CA1: variants seen among roughly 807,000 people sequenced by gnomAD.
The protein encoded by CA1 is carbonic anhydrase 1, also known as carbonate dehydratase I.
Under a neutral mutation model 28.8 loss-of-function variants are expected in CA1, and 27 were observed. That is an observed-to-expected ratio of 0.94 (90% confidence interval 0.69 to 1.29). The LOEUF (loss-of-function observed/expected upper bound fraction) is 1.29, where lower values mean the gene tolerates loss of function less well. Ranked by LOEUF, CA1 falls within the 50% of genes most tolerant of loss-of-function variation. CA1 has a pLI of 0.00. For synonymous variants in CA1, 121 were observed against 108.8 expected, an observed-to-expected ratio of 1.11 and a Z score of -0.70; for missense variants, 335 against 310.5, an observed-to-expected ratio of 1.08 and a Z score of -0.59.
chr8:85,329,627 A>G (rs1376478960), intron 7 of CA1, 62 bp downstream of exon 7: 2 of 1,315,310 alleles, frequency 1.5e-6, no homozygotes, highest in Middle Eastern at 1.8e-4. Context: ...TCTCACTGAT[A>G]CTATCAATTA....
rs777685360 is a variant in CA1, at chr8:85,328,621, A to G, written c.725T>C (p.Met242Thr). 3 of 1,611,906 alleles carry G rather than the reference A, an allele frequency of 1.9e-6. No homozygotes were observed. The highest frequency in any genetic ancestry group is 2.2e-5 in the South Asian group (2 of 90,912). The change falls in exon 8 of 8, where the codon ATG becomes ACG. Residue 242 changes from methionine to threonine, a missense_variant. Met to Thr is a moderately conservative substitution (Grantham distance 81). Transcript: ENST00000523022. ...TTGGGTTGGGCGGTTGTTGTGCTGC[A>G]TGGGGACAGCGTTATCACCTTCAAC... is the stretch of plus-strand genomic sequence containing the variant. Reference protein sequence around the residue: ...SNVEGDNAVPMQHNNRPTQPL... With the variant: ...SNVEGDNAVPTQHNNRPTQPL...
intron 1 of CA1, among the ~76,000 whole-genome samples, chr8:85,349,146 G>T (rs1172878134): frequency 1.3e-5 from 2 of 152,188 alleles, no homozygotes; most frequent in African/African-American, 4.8e-5. Flanking sequence ...TGCTTTTAAA[G>T]AAAGAAATAG....
intron 1 of CA1, among the ~76,000 whole-genome samples, chr8:85,359,185 T>TA (rs1809705978): frequency 6.6e-6 from 1 of 152,196 alleles, no homozygotes; most frequent in South Asian, 2.1e-4. Flanking sequence ...CACTGTACCC[T>TA]ACTCAGCAAA....
At position 85,330,845 on chromosome 8, in the gene CA1, A is replaced by G. The variant is rs574541912; in HGVS notation, c.514-1001T>C. Among the ~76,000 whole-genome samples, 3 of 152,244 alleles carry G rather than the reference A, an allele frequency of 2.0e-5. No individual in the cohort carries two copies. The South Asian group carries it at 6.2e-4, about 32-fold the overall frequency. ...AACTACTCTTTTAAAACACTGTTGA[A>G]TTTGATTTGTTATAATAAATTTTAG... On this transcript the variant is annotated intron_variant, in intron 6 of 7. Transcript: ENST00000523022.
chr8:85,372,951 A>G (rs1810283775), intron 1 of CA1, among the ~76,000 whole-genome samples: 1 of 152,236 alleles, frequency 6.6e-6, no homozygotes, highest in Non-Finnish European at 1.5e-5. Context: ...CCCAAAGCCC[A>G]AGACTTGTGA....
intron 1 of CA1, among the ~76,000 whole-genome samples, chr8:85,345,292 T>G (rs757151437): frequency 6.6e-6 from 1 of 152,196 alleles, no homozygotes; most frequent in Non-Finnish European, 1.5e-5. Context: ...CCCAGACCTT[T>G]GTATAGCCTC....
At position 85,328,611 on chromosome 8, in the gene CA1, G is replaced by T; in HGVS notation, c.735C>A (p.Asn245Lys). 6.2e-7 allele frequency: 1 copy of T among 1,612,254 alleles called. No individual in the cohort carries two copies. Among genetic ancestry groups the T allele is most frequent in the East Asian group, 2.2e-5 (1 of 44,824 alleles). Residue 245 changes from asparagine (N) to lysine (K), a missense_variant, in exon 8 of 8, where the codon AAC (asparagine) becomes AAA (lysine). By Grantham distance (94) the Asn-to-Lys change is moderately conservative (BLOSUM62 0). Transcript: ENST00000523022. The part of the protein sequence containing the change: ...EGDNAVPMQH[N>K]NRPTQPLKGR... ...CCTTCAGAGGTTGGGTTGGGCGGTT[G>T]TTGTGCTGCATGGGGACAGCGTTAT...
Position 85,338,459 on chromosome 8 carries a change from C to G in CA1, c.38-10G>C, listed in dbSNP as rs765420617. On this transcript the variant is annotated splice_polypyrimidine_tract_variant and intron_variant, in intron 2 of 7. Transcript: ENST00000523022. ...CTCCATTGTTCAGGACCTACCAGGA[C>G]AAACACGTGTAAAATCAATGTCTTA... 4 of 1,610,892 alleles carry G rather than the reference C, an allele frequency of 2.5e-6. No homozygotes were observed. The highest frequency in any genetic ancestry group is 3.4e-6 in the Non-Finnish European group (4 of 1,177,218).
chr8:85,359,404 C>G (rs1809713002), intron 1 of CA1, among the ~76,000 whole-genome samples: 1 of 152,154 alleles, frequency 6.6e-6, no homozygotes, highest in Admixed American at 6.5e-5. Flanking sequence ...CAGGCCAGAT[C>G]TATGAGTCAG....
intron 4 of CA1, among the ~76,000 whole-genome samples, chr8:85,334,037 C>A (rs985168128): frequency 1.3e-5 from 2 of 152,178 alleles, no homozygotes; most frequent in Non-Finnish European, 1.5e-5. Context: ...AGAACAGATT[C>A]TTTCAGGCAC....
chr8:85,366,104 A>C (rs558549310), intron 1 of CA1, among the ~76,000 whole-genome samples: 1 of 151,916 alleles, frequency 6.6e-6, no homozygotes, highest in East Asian at 1.9e-4. Flanking sequence ...AACTTTGAGC[A>C]GAACTATTGT....
chr8:85,350,572 C>T (rs1375214122), intron 1 of CA1, among the ~76,000 whole-genome samples: 1 of 152,158 alleles, frequency 6.6e-6, no homozygotes, highest in Non-Finnish European at 1.5e-5. Flanking sequence ...TCCACATAGC[C>T]TTTGTGCAAC....
At chr8:85,375,711 G>A (rs1326796413) in intron 1 of CA1, among the ~76,000 whole-genome samples, 1 of 152,140 alleles carries the variant, frequency 6.6e-6, no homozygotes, top group African/African-American at 2.4e-5. Flanking sequence ...AAAATAACTC[G>A]AGGTGCAGTG....
At chr8:85,333,109 C>T (rs1427047256) in intron 5 of CA1, among the ~76,000 whole-genome samples, 2 of 152,046 alleles carry the variant, frequency 1.3e-5, no homozygotes, top group Admixed American at 6.6e-5. Context: ...CTATTTCTTT[C>T]CTAATGAGAT....
intron 1 of CA1, among the ~76,000 whole-genome samples, chr8:85,367,054 A>C (rs910217881): frequency 7.2e-5 from 11 of 152,016 alleles, no homozygotes; most frequent in Admixed American, 1.3e-4. Context: ...AGTTTATAAG[A>C]TTTTGAGATA....
Position 85,337,099 on chromosome 8 carries a change from T to G in CA1, c.236-36A>C, listed in dbSNP as rs759607842. On this transcript the variant is annotated intron_variant, in intron 3 of 7. Transcript: ENST00000523022. Reference sequence around the variant, plus strand: ...AGGGAACCGATTGTTAGCCTGATGCTCCACAAACTCTAGCTTATCTTTGCA... The same window carrying G: ...AGGGAACCGATTGTTAGCCTGATGCGCCACAAACTCTAGCTTATCTTTGCA... 5.4e-6 allele frequency: 6 copies of G among 1,103,828 alleles called. No homozygotes were observed. In the Admixed American group the frequency reaches 1.0e-4, roughly 19 times the overall value. The allele number at this position is 1,103,828 out of a possible 1,614,324, so 68.4% of individuals were successfully genotyped here. A position where few individuals can be genotyped will look rare whatever the true frequency, so the allele number is the denominator to read the frequency against.
At chr8:85,354,290 T>C (rs898833445) in intron 1 of CA1, among the ~76,000 whole-genome samples, 1 of 55,090 alleles carries the variant, frequency 1.8e-5, no homozygotes, top group Admixed American at 1.2e-4. Context: ...TTCTTTCTTT[T>C]TTTTCTTTTT....
At chr8:85,353,760 A>G (rs1359420466) in intron 1 of CA1, among the ~76,000 whole-genome samples, 1 of 151,718 alleles carries the variant, frequency 6.6e-6, no homozygotes, top group Non-Finnish European at 1.5e-5. Flanking sequence ...CATTTAGGTT[A>G]TTTCTCATTG....
At chr8:85,363,915 A>G (rs1809904480) in intron 1 of CA1, among the ~76,000 whole-genome samples, 2 of 152,184 alleles carry the variant, frequency 1.3e-5, no homozygotes, top group South Asian at 4.1e-4. Context: ...TTTTTATTTC[A>G]ATAGTTTCCT....
Sources: gnomAD v4.1 joint callset for allele counts (sites outside exome capture counted in the v4.1 genomes callset) on GRCh38, gnomAD v4.1.1 for gene constraint, MANE v1.5 for transcripts, NCBI Gene and HGNC (gene_info 2026-07-23, HGNC 2026-07-21) for gene names.